The following TCAIM variants were observed in gnomAD, a reference collection of about 807,000 sequenced individuals.
TCAIM encodes the protein T cell activation inhibitor, mitochondrial.
Under a neutral mutation model 58.6 loss-of-function variants are expected in TCAIM, and 36 were observed. The observed-to-expected ratio is 0.61, with a 90% CI of 0.47 to 0.81. TCAIM has a LOEUF of 0.81. Ranked by LOEUF, TCAIM falls within the 30% of genes least tolerant of loss-of-function variation. TCAIM has a pLI of 0.00. For missense variants in TCAIM, 466 were observed against 579.6 expected (o/e 0.80, Z 2.01); for synonymous variants, 172 against 193.6 (o/e 0.89, Z 0.93).
At chr3:44,379,175 A>G (rs528705195) in intron 5 of TCAIM, among the ~76,000 whole-genome samples, 2 of 151,574 alleles carry the variant, frequency 1.3e-5, no homozygotes, top group South Asian at 2.1e-4. Context: ...GTGACAGAGC[A>G]AGGCCCTGTC....
chr3:44,338,480 C>T (rs1278921422), upstream of TCAIM: 1 of 152,464 alleles, frequency 6.6e-6, no homozygotes, highest in Admixed American at 6.5e-5. Flanking sequence ...TCCAGCCAAC[C>T]AGGGCGTCAC....
At chr3:44,406,613 T>G (rs1702105676) in intron 10 of TCAIM, among the ~76,000 whole-genome samples, 2 of 152,238 alleles carry the variant, frequency 1.3e-5, no homozygotes, top group Admixed American at 1.3e-4. Flanking sequence ...AATTTTATAG[T>G]ACCTACTTTT....
At chr3:44,362,545 C>T (rs1701309593) in intron 4 of TCAIM, 2 of 399,140 alleles carry the variant, frequency 5.0e-6, no homozygotes, top group East Asian at 7.2e-5. Flanking sequence ...TTTATTTTCT[C>T]ATAATTGAAT....
intron 5 of TCAIM, among the ~76,000 whole-genome samples, chr3:44,368,737 G>A (rs553131375): frequency 1.3e-5 from 2 of 152,280 alleles, no homozygotes; most frequent in African/African-American, 4.8e-5. Context: ...GGTAAAAAAT[G>A]AAGAGCCTGG....
At chr3:44,399,010 G>A (rs75424685) in intron 8 of TCAIM, among the ~76,000 whole-genome samples, 391 of 152,324 alleles carry the variant, frequency 2.6e-3, no homozygotes, top group African/African-American at 9.1e-3. Flanking sequence ...TTGCCAGGAA[G>A]TAGAGAGAGG....
At chr3:44,350,178 G>A (rs559762950) in intron 1 of TCAIM, among the ~76,000 whole-genome samples, 2 of 152,238 alleles carry the variant, frequency 1.3e-5, no homozygotes, top group African/African-American at 4.8e-5. Context: ...TGGGTAGGTA[G>A]TGAAAAATTA....
chr3:44,354,838 T>C lies in TCAIM; in HGVS notation c.29+27T>C, dbSNP rs373430288. ...TAAGCATCATGGTCCAATCTGTAATTAGTATTGTGGCGGGGGGAGGTCTGT... is the reference window on the plus strand; with the variant it reads ...TAAGCATCATGGTCCAATCTGTAATCAGTATTGTGGCGGGGGGAGGTCTGT... On this transcript the variant is annotated intron_variant, in intron 2 of 10. Transcript: ENST00000342649. 4.4e-6 allele frequency: 7 copies of C among 1,606,702 alleles called. No individual in the cohort carries two copies. The African/African-American group carries it at 9.4e-5, about 22-fold the overall frequency.
intron 6 of TCAIM, among the ~76,000 whole-genome samples, chr3:44,393,686 G>C (rs975752365): frequency 6.6e-6 from 1 of 152,018 alleles, no homozygotes; most frequent in Non-Finnish European, 1.5e-5. Context: ...ACTTTGGGAG[G>C]CCAAGGCAGG....
At chr3:44,370,293 C>T (rs965973571) in intron 5 of TCAIM, among the ~76,000 whole-genome samples, 7 of 152,024 alleles carry the variant, frequency 4.6e-5, no homozygotes, top group African/African-American at 1.7e-4. Flanking sequence ...AACCCCGTCT[C>T]TACTAAAAAT....
intron 6 of TCAIM, among the ~76,000 whole-genome samples, chr3:44,394,484 A>G (rs1701889869): frequency 6.6e-6 from 1 of 152,196 alleles, no homozygotes; most frequent in South Asian, 2.1e-4. Context: ...AAGATCTGTC[A>G]AAGCAGACTG....
At chr3:44,351,561 C>G (rs1443606993) in intron 1 of TCAIM, among the ~76,000 whole-genome samples, 1 of 151,988 alleles carries the variant, frequency 6.6e-6, no homozygotes, top group East Asian at 1.9e-4. Context: ...GTGGCGTGAT[C>G]TCGGCTCACT....
intron 1 of TCAIM, among the ~76,000 whole-genome samples, chr3:44,343,677 A>G (rs775891237): frequency 4.6e-5 from 7 of 152,312 alleles, no homozygotes; most frequent in South Asian, 4.1e-4. Flanking sequence ...TTGTAATTCT[A>G]TTACTCTACT....
chr3:44,407,762 C>A lies in TCAIM; in HGVS notation c.*80C>A, dbSNP rs1702123947. ...TATTTAAATCCACAATTTGATATAACAGTATTATTTACATAAGAACAAAGT... is the reference window on the plus strand; with the variant it reads ...TATTTAAATCCACAATTTGATATAAAAGTATTATTTACATAAGAACAAAGT... On this transcript the variant is annotated 3_prime_UTR_variant, in exon 11 of 11. Transcript: ENST00000342649. 1.5e-6 allele frequency: 2 copies of A among 1,373,564 alleles called. No homozygotes were observed. Among genetic ancestry groups the A allele is most frequent in the Non-Finnish European group, 1.9e-6 (2 of 1,029,708 alleles). 85.1% of individuals were successfully genotyped at this position (1,373,564 alleles called of 1,614,324 possible).
intron 6 of TCAIM, among the ~76,000 whole-genome samples, chr3:44,393,892 G>A (rs1455722057): frequency 1.3e-5 from 2 of 152,134 alleles, no homozygotes; most frequent in Admixed American, 6.5e-5. Context: ...TCATAAACTT[G>A]GAAATTGCAG....
intron 5 of TCAIM, among the ~76,000 whole-genome samples, chr3:44,368,678 G>C (rs1017461724): frequency 5.9e-5 from 9 of 152,172 alleles, no homozygotes; most frequent in African/African-American, 1.9e-4. Context: ...GTGGGTTTGG[G>C]AATAACAATT....
chr3:44,371,807 G>A (rs1701473969), intron 5 of TCAIM, among the ~76,000 whole-genome samples: 1 of 152,076 alleles, frequency 6.6e-6, no homozygotes, highest in Non-Finnish European at 1.5e-5. Context: ...AAGGGTTCCA[G>A]GAGCTTATAT....
At chr3:44,375,088 T>C (rs1701543896) in intron 5 of TCAIM, among the ~76,000 whole-genome samples, 1 of 152,226 alleles carries the variant, frequency 6.6e-6, no homozygotes, top group African/African-American at 2.4e-5. Context: ...TACCTTTTAA[T>C]GTTCTTTTGG....
At chr3:44,406,648 AATGTAAG>A (rs1702106134) in intron 10 of TCAIM, among the ~76,000 whole-genome samples, 1 of 152,200 alleles carries the variant, frequency 6.6e-6, no homozygotes, top group South Asian at 2.1e-4. Flanking sequence ...AGGGTGATTA[AATGTAAG>A]ATATTTGGAC....
chr3:44,344,013 G>T (rs1470783172), intron 1 of TCAIM, among the ~76,000 whole-genome samples: 1 of 139,658 alleles, frequency 7.2e-6, no homozygotes, highest in Non-Finnish European at 1.5e-5. Flanking sequence ...GATTATTTTT[G>T]ATGGAAATGC....
Sources: allele counts gnomAD v4.1 joint callset (sites outside exome capture counted in the v4.1 genomes callset), GRCh38; gene constraint gnomAD v4.1.1; transcripts MANE v1.5; gene names NCBI Gene and HGNC (gene_info 2026-07-23, HGNC 2026-07-21).